The following RPUSD3 variants were observed in gnomAD, a reference collection of about 807,000 sequenced individuals.
RPUSD3 encodes the protein mitochondrial mRNA pseudouridine synthase RPUSD3.
Under a neutral mutation model 35.1 loss-of-function variants are expected in RPUSD3, and 36 were observed. That is an observed-to-expected ratio of 1.02 (90% CI 0.79 to 1.35). The LOEUF (loss-of-function observed/expected upper bound fraction) is 1.35, where lower values mean the gene tolerates loss of function less well. RPUSD3 is among the 40% of genes most tolerant of loss of function. The pLI is 0.00. For synonymous variants in RPUSD3, 202 were observed against 187.8 expected (o/e 1.08, Z -0.62); for missense variants, 486 against 441.9 (o/e 1.10, Z -0.89).
chr3:9,840,674 T>A, intron 5 of RPUSD3, 24 bp downstream of exon 5: 2 of 1,613,204 alleles, frequency 1.2e-6, no homozygotes, highest in Non-Finnish European at 1.7e-6. Flanking sequence ...CCCACCACTC[T>A]AGGAACCTCC....
At chr3:9,840,789 C>G (rs138551415) in exon 5 of RPUSD3, 1 of 1,613,748 alleles carries the variant, frequency 6.2e-7, no homozygotes, top group African/African-American at 1.3e-5. Flanking sequence ...GAGAGGAGTA[C>G]AAGCCCAGAG....
At position 9,838,944 on chromosome 3, in the gene RPUSD3, A is replaced by G. The variant is rs534144777; in HGVS notation, c.864+88T>C. 7.5e-6 allele frequency: 12 copies of G among 1,591,214 alleles called. No homozygotes were observed. The African/African-American group carries it at 1.6e-4, about 21-fold the overall frequency. On this transcript the variant is annotated intron_variant, in intron 8 of 8. Transcript: ENST00000383820. ...AAAAGGGCTGCCTCCCAGTAGTCCC[A>G]AGCTGCACAGATAAGGTCTGGAGAT...
chr3:9,842,052 A>G, exon 4 of RPUSD3: 1 of 1,612,174 alleles, frequency 6.2e-7, no homozygotes, highest in East Asian at 2.2e-5. Flanking sequence ...CTCTGGCAGC[A>G]CTGAGAACAA....
exon 5 of RPUSD3, chr3:9,840,794 C>A (rs762205519): frequency 6.2e-7 from 1 of 1,612,874 alleles, no homozygotes; most frequent in Admixed American, 1.7e-5. Context: ...GAGTACAAGC[C>A]CAGAGCTTTC....
At chr3:9,840,744 A>C in exon 5 of RPUSD3, 1 of 1,614,132 alleles carries the variant, frequency 6.2e-7, no homozygotes, top group Non-Finnish European at 8.5e-7. Context: ...TGGGTGAAGT[A>C]CTTCTGGAGG....
At chr3:9,841,740 A>G in intron 4 of RPUSD3, 1 of 393,914 alleles carries the variant, frequency 2.5e-6, no homozygotes, top group East Asian at 4.5e-5. Flanking sequence ...AAGTGTTGGG[A>G]TTACAGGTGT....
intron 2 of RPUSD3, chr3:9,842,643 A>C: frequency 3.7e-6 from 1 of 270,970 alleles, no homozygotes; most frequent in South Asian, 4.5e-5. Flanking sequence ...CGTTAGAGAG[A>C]AATCCATTTC....
At chr3:9,839,170 C>T in exon 8 of RPUSD3, 24 of 1,605,964 alleles carry the variant, frequency 1.5e-5, no homozygotes, top group Non-Finnish European at 2.0e-5. Context: ...GACTGGAGAA[C>T]ACTGGGCAAC....
chr3:9,840,689 A>G lies in RPUSD3; in HGVS notation c.515+9T>C, dbSNP rs2082090534. ...CCCACCACTCTAGGAACCTCCCAGC[A>G]CCTCTCACCAGTAGGTGGCTGTGGG... On this transcript the variant is annotated intron_variant, in intron 5 of 8. Transcript: ENST00000383820. 1 of 1,613,806 alleles carries G rather than the reference A, an allele frequency of 6.2e-7. No homozygotes were observed. Among genetic ancestry groups the G allele is most frequent in the Non-Finnish European group, 8.5e-7 (1 of 1,179,836 alleles).
intron 7 of RPUSD3, chr3:9,839,771 T>C (rs1352887269): frequency 1.8e-5 from 3 of 163,220 alleles, no homozygotes; most frequent in African/African-American, 7.3e-5. Context: ...AGAGACAGGG[T>C]TTCACCATGT....
chr3:9,838,346 A>C, intron 8 of RPUSD3, 139 bp from the exon 9 acceptor site: 1 of 814,946 alleles, frequency 1.2e-6, no homozygotes, highest in South Asian at 1.7e-5. Context: ...TCCTCTTTGC[A>C]CACAGATGTG....
chr3:9,840,628 G>A lies in RPUSD3; in HGVS notation c.516-12C>T. 6.2e-7 allele frequency: 1 copy of A among 1,613,232 alleles called. No homozygotes were observed. Among genetic ancestry groups the A allele is most frequent in the Non-Finnish European group, 8.5e-7 (1 of 1,179,472 alleles). ...CATCAGTGACAGCACTGAGAAAGGG[G>A]CAGGAGGAGGTCACAGGGTGGCTTG... On this transcript the variant is annotated splice_polypyrimidine_tract_variant and intron_variant, in intron 5 of 8. Coordinates refer to ENST00000383820, the Ensembl canonical transcript of RPUSD3.
intron 4 of RPUSD3, chr3:9,841,216 G>C (rs552862219): frequency 6.1e-6 from 1 of 164,378 alleles, no homozygotes; most frequent in East Asian, 1.9e-4. Flanking sequence ...AGCAATGCCT[G>C]CCACGAGTAC....
At chr3:9,843,896 T>C in exon 1 of RPUSD3, 1 of 1,604,420 alleles carries the variant, frequency 6.2e-7, no homozygotes, top group Non-Finnish European at 8.5e-7. Flanking sequence ...TCACCGGGCT[T>C]CGGTGCCAAA....
exon 8 of RPUSD3, chr3:9,839,151 C>T (rs1244165987): frequency 2.5e-6 from 4 of 1,612,210 alleles, no homozygotes; most frequent in African/African-American, 1.3e-5. Context: ...ACCATGTGCA[C>T]CTGTAGTTGA....
At chr3:9,843,404 C>G in intron 2 of RPUSD3, 61 bp downstream of exon 2, 1 of 1,601,860 alleles carries the variant, frequency 6.2e-7, no homozygotes, top group South Asian at 1.1e-5. Flanking sequence ...ATGGAGAGCC[C>G]AACTGCACGC....
chr3:9,843,630 T>A (rs1469442447), intron 1 of RPUSD3, 29 bp from the exon 2 acceptor site: 2 of 1,611,356 alleles, frequency 1.2e-6, no homozygotes, highest in East Asian at 2.2e-5. Context: ...GCAATGGGAG[T>A]CATTCCATCC....
exon 9 of RPUSD3, chr3:9,838,092 G>T: frequency 1.2e-6 from 2 of 1,612,476 alleles, no homozygotes; most frequent in Non-Finnish European, 1.7e-6. Flanking sequence ...CTCAACAGGG[G>T]TGTCCCTGGC....
chr3:9,839,200 G>A (rs749904557), intron 7 of RPUSD3, 29 bp from the exon 8 acceptor site: 12 of 1,593,242 alleles, frequency 7.5e-6, no homozygotes, highest in Non-Finnish European at 1.0e-5. Context: ...AGGAGAGACA[G>A]TGGGCAGCTA....
Sources: gnomAD v4.1 joint callset for allele counts on GRCh38, gnomAD v4.1.1 for gene constraint, MANE v1.5 for transcripts, NCBI Gene and HGNC (gene_info 2026-07-23, HGNC 2026-07-21) for gene names.